Variants in TRMT11 observed in about 807,000 individuals in gnomAD.
TRMT11 encodes the protein tRNA (guanine(10)-N(2))-methyltransferase TRMT11.
A neutral mutation model predicts 62.8 loss-of-function variants in TRMT11; 53 were observed. The observed-to-expected ratio is 0.84, with a 90% CI of 0.68 to 1.06. The LOEUF (loss-of-function observed/expected upper bound fraction) is 1.06, where lower values mean the gene tolerates loss of function less well. Among genes scored for constraint, TRMT11 ranks in the 50% least tolerant of loss-of-function variants. The probability of loss-of-function intolerance (pLI) is 0.00; values close to 1 mark genes in which losing one functional copy is unlikely to be tolerated. For missense variants in TRMT11, 556 were observed against 553.4 expected (o/e 1.00, Z -0.05); for synonymous variants, 188 against 190.3 (o/e 0.99, Z 0.10).
intron 11 of TRMT11, among the ~76,000 whole-genome samples, chr6:126,016,760 C>T (rs943892294): frequency 6.7e-6 from 1 of 149,210 alleles, no homozygotes; most frequent in Non-Finnish European, 1.5e-5. Flanking sequence ...AGTTACGTGT[C>T]TAACACATGT....
intron 16 of TRMT11, among the ~76,000 whole-genome samples, chr6:126,052,061 G>A (rs1392923451): frequency 6.6e-6 from 1 of 152,166 alleles, no homozygotes; most frequent in African/African-American, 2.4e-5. Flanking sequence ...GCCATTCCAA[G>A]TTTATTACAA....
Position 126,011,247 on chromosome 6 carries a change from C to T in TRMT11, c.761-6C>T. The T allele has an allele frequency of 2.5e-6, 4 of 1,602,936 alleles. No homozygotes were observed. The highest frequency in any genetic ancestry group is 2.3e-5 in the South Asian group (2 of 88,788). On this transcript the variant is annotated splice_polypyrimidine_tract_variant and splice_region_variant and intron_variant, in intron 8 of 12. Transcript: ENST00000334379. ...ACTTTCTCTCTTCCTTTTTCTTTCC[C>T]TTCAGGAAAGGCTACTAGGAAAAAC...
the TRMT11 span, among the ~76,000 whole-genome samples, chr6:126,259,082 T>C: frequency 1.3e-5 from 2 of 152,198 alleles, no homozygotes; most frequent in Non-Finnish European, 2.9e-5. Flanking sequence ...AGTATTTGGT[T>C]TTCTGTTTCT....
At chr6:126,126,868 G>A (rs937689130) in intron 21 of TRMT11, among the ~76,000 whole-genome samples, 33 of 152,076 alleles carry the variant, frequency 2.2e-4, no homozygotes, top group African/African-American at 7.0e-4. Context: ...GAGATATTAA[G>A]ATTGATTTGA....
At chr6:125,990,158 A>C (rs901505168) in intron 1 of TRMT11, among the ~76,000 whole-genome samples, 1 of 151,840 alleles carries the variant, frequency 6.6e-6, no homozygotes, top group Middle Eastern at 3.2e-3. Flanking sequence ...GTCTGTTTCT[A>C]TTGTTTCTTT....
chr6:126,243,065 A>G, the TRMT11 span, among the ~76,000 whole-genome samples: 4 of 152,328 alleles, frequency 2.6e-5, no homozygotes, highest in African/African-American at 9.6e-5. Context: ...CAGAATCTAC[A>G]AAGAACTCAA....
At chr6:126,171,969 T>A (rs1400139201) in intron 21 of TRMT11, among the ~76,000 whole-genome samples, 1 of 152,148 alleles carries the variant, frequency 6.6e-6, no homozygotes, top group African/African-American at 2.4e-5. Flanking sequence ...TCCACCCGCC[T>A]CAGCCTCCCA....
chr6:126,106,094 T>C (rs1777461315), intron 17 of TRMT11, among the ~76,000 whole-genome samples: 1 of 152,224 alleles, frequency 6.6e-6, no homozygotes, highest in Middle Eastern at 3.4e-3. Flanking sequence ...TCCTGGTCCA[T>C]GTGACATCCT....
the TRMT11 span, among the ~76,000 whole-genome samples, chr6:126,236,440 C>G: frequency 1.3e-5 from 2 of 152,116 alleles, no homozygotes; most frequent in Non-Finnish European, 2.9e-5. Context: ...ACCATTGACA[C>G]TAAATATTCA....
chr6:126,207,326 A>T (rs1778800101), downstream of TRMT11, among the ~76,000 whole-genome samples: 1 of 152,212 alleles, frequency 6.6e-6, no homozygotes, highest in Non-Finnish European at 1.5e-5. Flanking sequence ...AAGACAAATC[A>T]GGCAACAAGA....
upstream of TRMT11, among the ~76,000 whole-genome samples, chr6:126,175,050 A>G (rs1048551524): frequency 2.0e-5 from 3 of 152,178 alleles, no homozygotes; most frequent in Admixed American, 6.5e-5. Flanking sequence ...AAACTATCCA[A>G]CTATGATGTT....
the TRMT11 span, among the ~76,000 whole-genome samples, chr6:126,257,640 A>G: frequency 2.6e-5 from 4 of 152,260 alleles, no homozygotes; most frequent in East Asian, 5.8e-4. Context: ...TTTTTCTTTG[A>G]TTCGAGACTT....
the TRMT11 span, among the ~76,000 whole-genome samples, chr6:126,217,501 A>G: frequency 6.6e-6 from 1 of 152,198 alleles, no homozygotes; most frequent in Admixed American, 6.5e-5. Flanking sequence ...ACTCGTAGAT[A>G]CCACCGGGAT....
At chr6:126,153,974 C>T (rs1778087440) in intron 21 of TRMT11, among the ~76,000 whole-genome samples, 1 of 152,252 alleles carries the variant, frequency 6.6e-6, no homozygotes, top group South Asian at 2.1e-4. Flanking sequence ...TGCATTGACA[C>T]TGAGGCCCCC....
At chr6:126,236,176 G>A in the TRMT11 span, among the ~76,000 whole-genome samples, 3 of 152,182 alleles carry the variant, frequency 2.0e-5, no homozygotes, top group Admixed American at 6.6e-5. Context: ...TTGTATAGGA[G>A]ATAGCACATA....
intron 16 of TRMT11, among the ~76,000 whole-genome samples, chr6:126,050,329 CAAAA>C (rs536546298): frequency 5.8e-5 from 4 of 68,434 alleles, no homozygotes; most frequent in Admixed American, 1.6e-4. Context: ...GACTTCATCT[CAAAA>C]AAAAAAAAAA....
chr6:126,023,205 A>G (rs369286399), intron 12 of TRMT11, among the ~76,000 whole-genome samples: 137 of 152,348 alleles, frequency 9.0e-4, no homozygotes, highest in African/African-American at 2.7e-3. Flanking sequence ...CAGAAATTCT[A>G]TAGTTTCCAA....
At chr6:126,150,178 G>A (rs1353769703) in intron 21 of TRMT11, among the ~76,000 whole-genome samples, 1 of 152,100 alleles carries the variant, frequency 6.6e-6, no homozygotes, top group African/African-American at 2.4e-5. Context: ...TTTATAGGAA[G>A]AGGAAGAGAG....
chr6:126,161,657 T>C (rs1307447310), intron 21 of TRMT11, among the ~76,000 whole-genome samples: 1 of 152,178 alleles, frequency 6.6e-6, no homozygotes, highest in Non-Finnish European at 1.5e-5. Flanking sequence ...GAATTGCCAC[T>C]CTGTCTTCCA....
Sources: gnomAD v4.1 joint callset for allele counts (sites outside exome capture counted in the v4.1 genomes callset) on GRCh38, gnomAD v4.1.1 for gene constraint, MANE v1.5 for transcripts, NCBI Gene and HGNC (gene_info 2026-07-23, HGNC 2026-07-21) for gene names.